Variants in SUMF1 observed in about 807,000 individuals in gnomAD.
SUMF1 encodes the protein formylglycine-generating enzyme.
In SUMF1, 48 loss-of-function variants were observed where a neutral mutation model predicts 47.6. The ratio of observed to expected loss-of-function variants is 1.01; its 90% CI spans 0.80 to 1.28. The LOEUF is 1.28. SUMF1 is among the 50% of genes most tolerant of loss of function. SUMF1 has a pLI of 0.00. For missense variants in SUMF1, 571 were observed against 485.4 expected, an observed-to-expected ratio of 1.18 and a Z score of -1.66; for synonymous variants, 230 against 192.1, an observed-to-expected ratio of 1.20 and a Z score of -1.63.
intron 7 of SUMF1, among the ~76,000 whole-genome samples, chr3:4,402,411 G>C (rs935258060): frequency 6.6e-6 from 1 of 152,152 alleles, no homozygotes; most frequent in African/African-American, 2.4e-5. Context: ...TCTTAGCATA[G>C]TGCATCTTGA....
chr3:4,239,841 C>T (rs1696497950), intron 8 of SUMF1, among the ~76,000 whole-genome samples: 2 of 152,138 alleles, frequency 1.3e-5, no homozygotes, highest in South Asian at 4.1e-4. Context: ...GCATCCTTGT[C>T]TTATGCTGGT....
intron 8 of SUMF1, among the ~76,000 whole-genome samples, chr3:4,312,354 G>C (rs898822206): frequency 8.6e-5 from 13 of 152,046 alleles, no homozygotes; most frequent in African/African-American, 2.9e-4. Flanking sequence ...AAAGATAAGA[G>C]GGAAACAAAA....
rs530367018 is a variant in SUMF1 at position 4,340,723 on chromosome 3, C to A, written c.1014+35607G>T. 2.6e-5 allele frequency among the ~76,000 whole-genome samples: 4 copies of A among 152,210 alleles called. No individual in the cohort carries two copies. In the South Asian group the frequency reaches 8.3e-4, roughly 32 times the overall value. ...CAGGACCTGGAGATGGATCAGTTGT[C>A]GGGGAAGAGAGATCGTGTGAGAGCA... On this transcript the variant is annotated intron_variant and NMD_transcript_variant, in intron 8 of 12. Coordinates refer to the SUMF1 transcript ENST00000448413.
intron 7 of SUMF1, among the ~76,000 whole-genome samples, chr3:4,382,621 A>C (rs147948997): frequency 0.024 from 3,662 of 152,280 alleles, 140 homozygotes; most frequent in African/African-American, 0.084. Flanking sequence ...ACATGCACAC[A>C]TATGTTTATT....
At chr3:4,464,722 T>C (rs985713214) in intron 1 of SUMF1, among the ~76,000 whole-genome samples, 2 of 152,178 alleles carry the variant, frequency 1.3e-5, no homozygotes, top group African/African-American at 4.8e-5. Context: ...ACTAAAACAT[T>C]TGAAACCAAG....
At chr3:4,302,344 A>T (rs1277971318) in intron 8 of SUMF1, among the ~76,000 whole-genome samples, 1 of 152,152 alleles carries the variant, frequency 6.6e-6, no homozygotes, top group East Asian at 1.9e-4. Context: ...TCATAGGTAG[A>T]TTTAAAGATT....
chr3:4,301,694 A>G (rs1697969434), intron 8 of SUMF1, among the ~76,000 whole-genome samples: 1 of 152,218 alleles, frequency 6.6e-6, no homozygotes, highest in Non-Finnish European at 1.5e-5. Flanking sequence ...GTGGCTCTGT[A>G]GATCACAAAT....
chr3:4,152,501 C>T (rs554753975), intron 8 of SUMF1, among the ~76,000 whole-genome samples: 2 of 150,870 alleles, frequency 1.3e-5, no homozygotes, highest in South Asian at 4.2e-4. Flanking sequence ...TCATAGTGTC[C>T]AGGCTGGTCT....
intron 8 of SUMF1, among the ~76,000 whole-genome samples, chr3:4,135,979 TACAA>T (rs1693919387): frequency 6.6e-6 from 1 of 151,956 alleles, no homozygotes; most frequent in Non-Finnish European, 1.5e-5. Context: ...TAAAAGAGGA[TACAA>T]ACAAATGGAA....
At chr3:4,193,196 T>C (rs1695357577) in intron 8 of SUMF1, among the ~76,000 whole-genome samples, 1 of 152,138 alleles carries the variant, frequency 6.6e-6, no homozygotes. Context: ...ATGGGTATTA[T>C]ACATGAAGAA....
intron 8 of SUMF1, among the ~76,000 whole-genome samples, chr3:4,196,855 G>A (rs1695440464): frequency 6.6e-6 from 1 of 152,108 alleles, no homozygotes; most frequent in Non-Finnish European, 1.5e-5. Flanking sequence ...TGCTTGCTGT[G>A]TTGCAATAAA....
intron 8 of SUMF1, among the ~76,000 whole-genome samples, chr3:4,368,549 G>A (rs548970018): frequency 6.6e-6 from 1 of 152,236 alleles, no homozygotes; most frequent in Non-Finnish European, 1.5e-5. Context: ...TATGTTTATT[G>A]CGGCACTACT....
rs73807244 is a variant in SUMF1, at chr3:4,452,214, A to G, written c.444+662T>C. 2.4e-3 allele frequency among the ~76,000 whole-genome samples: 358 copies of G among 152,300 alleles called. 2 individuals carry two copies. The highest frequency in any genetic ancestry group is 8.2e-3 in the African/African-American group (341 of 41,574). ...GAGAGAAAACTGGAAAGCATATAAA[A>G]TAAGTATATTTCAGAAACTGACATA... On this transcript the variant is annotated intron_variant, in intron 2 of 8. Coordinates refer to ENST00000272902, the MANE Select transcript of SUMF1 (RefSeq NM_182760.4).
Position 4,452,996 on chromosome 3 carries a change from T to A in SUMF1, c.324A>T (p.Ile108=), listed in dbSNP as rs754246751. 3.1e-6 allele frequency: 5 copies of A among 1,614,042 alleles called. No individual in the cohort carries two copies. In the African/African-American group the frequency reaches 5.3e-5, roughly 17 times the overall value. ...TCGCAGGTGCTTCCCCATCCTGCTT[T>A]ATCTGAGGATCATCTGTGCCCATTG... is the stretch of plus-strand genomic sequence containing the variant. ...VFTMGTDDPQ[I]KQDGEAPARR... is the part of the protein sequence containing the mutation. The change falls in exon 2 of 9, where the codon ATA becomes ATT. Residue 108 remains isoleucine (I), a synonymous_variant. Transcript: ENST00000272902.
At chr3:4,254,783 G>A (rs1223160490) in intron 8 of SUMF1, among the ~76,000 whole-genome samples, 2 of 149,420 alleles carry the variant, frequency 1.3e-5, no homozygotes, top group African/African-American at 2.4e-5. Context: ...GATACTCCTC[G>A]AGAAGAGCAA....
At chr3:4,420,947 T>C (rs1185642700) in intron 3 of SUMF1, among the ~76,000 whole-genome samples, 1 of 152,212 alleles carries the variant, frequency 6.6e-6, no homozygotes, top group Admixed American at 6.5e-5. Flanking sequence ...GCAAGTTCAC[T>C]ACTTGTCTGG....
intron 9 of SUMF1, among the ~76,000 whole-genome samples, chr3:4,038,712 C>G (rs958642565): frequency 3.3e-5 from 5 of 152,060 alleles, no homozygotes; most frequent in African/African-American, 1.2e-4. Flanking sequence ...GTTTCTTCCC[C>G]AGACTGAGGG....
At chr3:4,380,982 A>T (rs902284768) in intron 7 of SUMF1, among the ~76,000 whole-genome samples, 10 of 152,160 alleles carry the variant, frequency 6.6e-5, no homozygotes, top group Non-Finnish European at 1.3e-4. Context: ...TGTTTGGAGG[A>T]GGAATGAGTC....
chr3:4,042,929 C>T (rs140746233), intron 9 of SUMF1, among the ~76,000 whole-genome samples: 12 of 152,286 alleles, frequency 7.9e-5, no homozygotes, highest in African/African-American at 2.4e-4. Context: ...TCCACCAGTG[C>T]TGCTTATTCT....
Sources: allele counts gnomAD v4.1 joint callset (sites outside exome capture counted in the v4.1 genomes callset), GRCh38; gene constraint gnomAD v4.1.1; transcripts MANE v1.5; gene names NCBI Gene and HGNC (gene_info 2026-07-23, HGNC 2026-07-21).